Variants in SPAG16 observed in about 807,000 individuals in gnomAD.
SPAG16 encodes sperm-associated antigen 16 protein.
In SPAG16, 86 loss-of-function variants were observed where a neutral mutation model predicts 80.4. The ratio of observed to expected loss-of-function variants is 1.07; its 90% CI spans 0.90 to 1.28. The LOEUF is 1.28. SPAG16 is among the 50% of genes most tolerant of loss of function. The pLI is 0.00. For synonymous variants in SPAG16, 294 were observed against 265.9 expected (o/e 1.11, Z -1.03); for missense variants, 870 against 765.3 (o/e 1.14, Z -1.61).
At chr2:213,542,908 A>T (rs1438792744) in intron 10 of SPAG16, among the ~76,000 whole-genome samples, 1 of 152,118 alleles carries the variant, frequency 6.6e-6, no homozygotes, top group African/African-American at 2.4e-5. Flanking sequence ...CAATGGAATA[A>T]AAAACAGAAA....
At chr2:214,164,993 T>C (rs79841142) in intron 15 of SPAG16, among the ~76,000 whole-genome samples, 3 of 152,144 alleles carry the variant, frequency 2.0e-5, no homozygotes, top group Non-Finnish European at 4.4e-5. Context: ...AGATAGTTCA[T>C]GAGTTTGCTA....
At chr2:213,673,731 C>T (rs1288001482) in intron 10 of SPAG16, among the ~76,000 whole-genome samples, 1 of 152,004 alleles carries the variant, frequency 6.6e-6, no homozygotes, top group Admixed American at 6.6e-5. Flanking sequence ...TTACTTTATA[C>T]ATTTTATTAT....
chr2:213,866,400 A>G (rs1392820612), intron 11 of SPAG16, among the ~76,000 whole-genome samples: 1 of 152,180 alleles, frequency 6.6e-6, no homozygotes, highest in Non-Finnish European at 1.5e-5. Context: ...TAAGAATTGT[A>G]CTAGGAAAGC....
intron 5 of SPAG16, among the ~76,000 whole-genome samples, chr2:213,336,222 G>C (rs974964447): frequency 1.3e-5 from 2 of 152,212 alleles, no homozygotes; most frequent in Admixed American, 6.5e-5. Context: ...ACGCCACCAG[G>C]GCCTTGGGTC....
At chr2:213,555,480 T>C (rs1248323578) in intron 10 of SPAG16, among the ~76,000 whole-genome samples, 1 of 152,190 alleles carries the variant, frequency 6.6e-6, no homozygotes, top group East Asian at 1.9e-4. Flanking sequence ...CTCCTTTGCC[T>C]TCCACCATGA....
At chr2:213,428,386 A>G (rs2070079106) in intron 9 of SPAG16, among the ~76,000 whole-genome samples, 1 of 152,176 alleles carries the variant, frequency 6.6e-6, no homozygotes, top group African/African-American at 2.4e-5. Flanking sequence ...ACTAGGAAGC[A>G]CCCCAAGCAT....
intron 10 of SPAG16, among the ~76,000 whole-genome samples, chr2:213,598,019 C>T (rs1354051882): frequency 6.6e-6 from 1 of 152,146 alleles, no homozygotes; most frequent in Admixed American, 6.5e-5. Context: ...GTTTCATCTA[C>T]ATAAAAAGAC....
At chr2:214,345,530 T>C (rs1697996798) in intron 15 of SPAG16, among the ~76,000 whole-genome samples, 1 of 152,130 alleles carries the variant, frequency 6.6e-6, no homozygotes. Context: ...ATATAAACTA[T>C]CTGCTCTATT....
intron 11 of SPAG16, among the ~76,000 whole-genome samples, chr2:213,921,777 C>T (rs1575558645): frequency 6.6e-6 from 1 of 152,226 alleles, no homozygotes; most frequent in East Asian, 1.9e-4. Context: ...TCTTATTTCT[C>T]CTTCACTTAT....
At chr2:213,718,593 T>C (rs10171960) in intron 10 of SPAG16, among the ~76,000 whole-genome samples, 141,443 of 152,230 alleles carry the variant, frequency 0.93, 66,629 homozygotes, top group East Asian at 1. Flanking sequence ...AAGCAGCCAG[T>C]CAGCCCTGCT....
intron 15 of SPAG16, among the ~76,000 whole-genome samples, chr2:214,193,426 TGAGAGAGAGAGAGAGA>T (rs55774604): frequency 7.3e-6 from 1 of 136,608 alleles, no homozygotes; most frequent in East Asian, 2.1e-4. Context: ...TGTGTGTGTA[TGAGAGAGAGAGAGAGA>T]GAGAGAGAGA....
chr2:214,015,377 T>C (rs2047535897), intron 13 of SPAG16, among the ~76,000 whole-genome samples: 1 of 152,122 alleles, frequency 6.6e-6, no homozygotes, highest in African/African-American at 2.4e-5. Flanking sequence ...GGCAGGTGGA[T>C]CACTGGAGGT....
intron 10 of SPAG16, among the ~76,000 whole-genome samples, chr2:213,742,603 A>G (rs1293253784): frequency 6.0e-5 from 8 of 133,684 alleles, no homozygotes; most frequent in Non-Finnish European, 1.1e-4. Context: ...CCCAGGCTGG[A>G]GTGCGTGGCG....
chr2:214,036,496 T>C (rs1245597206), intron 13 of SPAG16, among the ~76,000 whole-genome samples: 2 of 152,210 alleles, frequency 1.3e-5, no homozygotes, highest in African/African-American at 4.8e-5. Flanking sequence ...AATAGAAAGA[T>C]AACTGTGTAT....
intron 15 of SPAG16, among the ~76,000 whole-genome samples, chr2:214,276,082 T>G (rs1480971589): frequency 2.0e-5 from 3 of 152,194 alleles, no homozygotes; most frequent in African/African-American, 7.2e-5. Context: ...TTTGTTGGTT[T>G]AAAGTCTGTT....
At chr2:214,016,212 G>A (rs910130437) in intron 13 of SPAG16, among the ~76,000 whole-genome samples, 12 of 152,138 alleles carry the variant, frequency 7.9e-5, no homozygotes, top group Non-Finnish European at 1.5e-4. Context: ...ATTTATAAAG[G>A]AAGAGGTTTA....
At chr2:214,113,313 G>A (rs995068278) in intron 14 of SPAG16, among the ~76,000 whole-genome samples, 2 of 152,044 alleles carry the variant, frequency 1.3e-5, no homozygotes, top group Non-Finnish European at 2.9e-5. Context: ...TGCTCTTCTC[G>A]AGGAGTGTCT....
chr2:214,116,369 T>A (rs2053934964), intron 14 of SPAG16, among the ~76,000 whole-genome samples: 2 of 152,344 alleles, frequency 1.3e-5, no homozygotes, highest in Admixed American at 1.3e-4. Context: ...TAAGCCTCCA[T>A]AATGAGTTCA....
At chr2:213,513,921 T>C (rs2075328707) in intron 10 of SPAG16, among the ~76,000 whole-genome samples, 1 of 152,156 alleles carries the variant, frequency 6.6e-6, no homozygotes, top group Non-Finnish European at 1.5e-5. Context: ...CAATCATAGA[T>C]TGCAAATCTT....
Sources: gnomAD v4.1 joint callset for allele counts (sites outside exome capture counted in the v4.1 genomes callset) on GRCh38, gnomAD v4.1.1 for gene constraint, MANE v1.5 for transcripts, NCBI Gene and HGNC (gene_info 2026-07-23, HGNC 2026-07-21) for gene names.